The following NCOA3 variants were observed in gnomAD, a reference collection of about 807,000 sequenced individuals.
NCOA3 encodes the protein CBP-interacting protein.
In NCOA3, 51 loss-of-function variants were observed where a neutral mutation model predicts 158.8. That is an observed-to-expected ratio of 0.32 (90% CI 0.26 to 0.41). The LOEUF (loss-of-function observed/expected upper bound fraction) is 0.41, where lower values mean the gene tolerates loss of function less well. Ranked by LOEUF, NCOA3 falls within the 10% of genes least tolerant of loss-of-function variation. The probability of loss-of-function intolerance (pLI) is 1.00; values close to 1 mark genes in which losing one functional copy is unlikely to be tolerated. For missense variants in NCOA3, 1,510 were observed against 1,746.6 expected, an observed-to-expected ratio of 0.86 and a Z score of 2.41; for synonymous variants, 537 against 592.4, an observed-to-expected ratio of 0.91 and a Z score of 1.36.
chr20:47,503,771 G>C (rs1022336259), intron 1 of NCOA3, among the ~76,000 whole-genome samples: 2 of 152,170 alleles, frequency 1.3e-5, no homozygotes, highest in Admixed American at 6.6e-5. Context: ...TATGTACAAT[G>C]AATCCTCTGC....
chr20:47,547,611 G>T (rs1395587857), intron 1 of NCOA3, among the ~76,000 whole-genome samples: 2 of 151,710 alleles, frequency 1.3e-5, no homozygotes, highest in African/African-American at 2.4e-5. Flanking sequence ...GTAGAGACAG[G>T]GTTTCACCAC....
At chr20:47,522,260 G>A (rs1403192172) in intron 1 of NCOA3, among the ~76,000 whole-genome samples, 2 of 151,588 alleles carry the variant, frequency 1.3e-5, no homozygotes, top group African/African-American at 4.8e-5. Context: ...CCGCCACCAC[G>A]CCCGGCTAAT....
At chr20:47,578,531 T>C (rs1490903119) in intron 1 of NCOA3, among the ~76,000 whole-genome samples, 3 of 152,240 alleles carry the variant, frequency 2.0e-5, no homozygotes, top group African/African-American at 7.2e-5. Flanking sequence ...CAACTTGCAT[T>C]TGGTCTTCTC....
At chr20:47,564,883 A>C (rs933599754) in intron 1 of NCOA3, among the ~76,000 whole-genome samples, 2 of 151,446 alleles carry the variant, frequency 1.3e-5, no homozygotes, top group African/African-American at 4.9e-5. Context: ...TTCTTAGTAG[A>C]TTGTCTTTTC....
chr20:47,580,932 C>T (rs1185454601), intron 1 of NCOA3, among the ~76,000 whole-genome samples: 1 of 152,028 alleles, frequency 6.6e-6, no homozygotes, highest in Non-Finnish European at 1.5e-5. Flanking sequence ...GAAACCCTGT[C>T]TCTACAAAAA....
intron 13 of NCOA3, among the ~76,000 whole-genome samples, 173 bp from the exon 14 acceptor site, chr20:47,638,835 G>A (rs1397797240): frequency 6.6e-6 from 1 of 151,850 alleles, no homozygotes; most frequent in Admixed American, 6.6e-5. Context: ...AGGGGGGCGG[G>A]GGGTGGCGGT....
intron 1 of NCOA3, among the ~76,000 whole-genome samples, chr20:47,528,383 A>G (rs1277606936): frequency 6.6e-6 from 1 of 152,160 alleles, no homozygotes; most frequent in Non-Finnish European, 1.5e-5. Context: ...CTGTTTCATT[A>G]TTTATTATTA....
At chr20:47,522,235 C>T (rs1306967101) in intron 1 of NCOA3, among the ~76,000 whole-genome samples, 2 of 150,518 alleles carry the variant, frequency 1.3e-5, no homozygotes, top group African/African-American at 4.9e-5. Flanking sequence ...CCGGAGTAGC[C>T]GGGACTACAG....
intron 18 of NCOA3, 148 bp downstream of exon 18, chr20:47,647,514 A>G (rs2086708945): frequency 5.3e-6 from 4 of 749,860 alleles, no homozygotes; most frequent in Non-Finnish European, 8.4e-6. Context: ...TATTTGTACA[A>G]ATGGCTCCTT....
Position 47,535,931 on chromosome 20 carries a change from G to A in NCOA3, c.-99+33912G>A, listed in dbSNP as rs537587719. Among the ~76,000 whole-genome samples, 41 of 152,196 alleles carry A rather than the reference G, an allele frequency of 2.7e-4. No individual in the cohort carries two copies. The East Asian group carries it at 3.3e-3, about 12-fold the overall frequency. On this transcript the variant is annotated intron_variant, in intron 1 of 22. Coordinates refer to ENST00000371998, the MANE Select transcript of NCOA3 (RefSeq NM_181659.3). The stretch of plus-strand genomic sequence containing the variant: ...CTGCCCAGCAGCTGGACTCTACTCC[G>A]ACCACCCCCTATCAAATTCTGCATC...
At chr20:47,641,684 G>C (rs928549457) in intron 16 of NCOA3, among the ~76,000 whole-genome samples, 2 of 150,862 alleles carry the variant, frequency 1.3e-5, no homozygotes, top group Admixed American at 6.6e-5. Context: ...ATTTTTAGTA[G>C]AGACGGGGTT....
rs79610301 is a variant in NCOA3, at chr20:47,572,396, C to T, written c.-98-10787C>T. Among the ~76,000 whole-genome samples, 1,071 of 152,140 alleles carry T rather than the reference C, an allele frequency of 7.0e-3. 18 individuals are homozygous for T. The highest frequency in any genetic ancestry group is 0.024 in the African/African-American group (1,014 of 41,488). ...CCCAGTCTGGGCCATATGAACGAGA[C>T]CCAGTATCTAGTAAAAGAAAAAAAA... On this transcript the variant is annotated intron_variant, in intron 1 of 22. Coordinates refer to ENST00000371998, the MANE Select transcript of NCOA3 (RefSeq NM_181659.3).
At chr20:47,638,474 T>G (rs923678497) in intron 13 of NCOA3, among the ~76,000 whole-genome samples, 2 of 152,186 alleles carry the variant, frequency 1.3e-5, no homozygotes, top group Non-Finnish European at 2.9e-5. Context: ...CATGCACAAT[T>G]ATTCAGAATG....
At chr20:47,644,458 A>G (rs540316561) in intron 17 of NCOA3, among the ~76,000 whole-genome samples, 11 of 151,378 alleles carry the variant, frequency 7.3e-5, no homozygotes, top group East Asian at 4.0e-4. Flanking sequence ...CCTTCATTCT[A>G]TATTTTGAAG....
At chr20:47,615,346 G>A (rs1033330448) in intron 2 of NCOA3, among the ~76,000 whole-genome samples, 1 of 152,018 alleles carries the variant, frequency 6.6e-6, no homozygotes, top group Non-Finnish European at 1.5e-5. Context: ...GCTTTTTTTA[G>A]GTCCCTCAAA....
chr20:47,512,587 A>AAAAAAAAC (rs1569311524), intron 1 of NCOA3, among the ~76,000 whole-genome samples: 1 of 144,564 alleles, frequency 6.9e-6, no homozygotes. Flanking sequence ...AAAAAAAAAA[A>AAAAAAAAC]AACACAAAAG....
At chr20:47,573,573 G>T (rs2085328109) in intron 1 of NCOA3, among the ~76,000 whole-genome samples, 2 of 152,188 alleles carry the variant, frequency 1.3e-5, no homozygotes, top group Admixed American at 1.3e-4. Flanking sequence ...CTGAAGCAGG[G>T]CTGCCACAAA....
Position 47,649,028 on chromosome 20 carries a change from A to G in NCOA3, c.3570A>G (p.Ala1190=), listed in dbSNP as rs1350616955. 3.7e-6 allele frequency: 6 copies of G among 1,613,680 alleles called. No homozygotes were observed. The highest frequency in any genetic ancestry group is 5.1e-6 in the Non-Finnish European group (6 of 1,179,750). The change falls in exon 19 of 23, where the codon GCA becomes GCG. Residue 1190 remains alanine (A), a synonymous_variant. Coordinates refer to ENST00000371998, the MANE Select transcript of NCOA3 (RefSeq NM_181659.3). ...GQQFLNQSRQ[A]LELKMENPTA... ...AGTTTTTGAATCAGAGCCGACAGGC[A>G]CTTGAATTGAAAATGGAAAACCCTA...
At chr20:47,613,080 T>G (rs1024292600) in intron 2 of NCOA3, among the ~76,000 whole-genome samples, 2 of 152,214 alleles carry the variant, frequency 1.3e-5, no homozygotes, top group Admixed American at 6.5e-5. Context: ...TAATTTACAT[T>G]CAGATGCTTT....
Sources: allele counts gnomAD v4.1 joint callset (sites outside exome capture counted in the v4.1 genomes callset), GRCh38; gene constraint gnomAD v4.1.1; transcripts MANE v1.5; gene names NCBI Gene and HGNC (gene_info 2026-07-23, HGNC 2026-07-21).